Variants in SBF2 observed in about 807,000 individuals in gnomAD.
The protein encoded by SBF2 is myotubularin-related protein 13.
In SBF2, 112 loss-of-function variants were observed where a neutral mutation model predicts 225.2. That is an observed-to-expected ratio of 0.50 (90% CI 0.43 to 0.58). The LOEUF (loss-of-function observed/expected upper bound fraction) is 0.58. SBF2 is among the 20% of genes least tolerant of loss of function. SBF2 has a pLI of 0.00. For synonymous variants in SBF2, 763 were observed against 773.3 expected, an observed-to-expected ratio of 0.99 and a Z score of 0.22; for missense variants, 1,996 against 2,206.2, an observed-to-expected ratio of 0.90 and a Z score of 1.91.
At chr11:9,799,252 T>C (rs1259164351) in intron 32 of SBF2, among the ~76,000 whole-genome samples, 2 of 152,184 alleles carry the variant, frequency 1.3e-5, no homozygotes, top group African/African-American at 2.4e-5. Context: ...GCCCAGTATA[T>C]TGGCCTCACC....
At chr11:9,962,593 C>T (rs1318767709) in intron 15 of SBF2, among the ~76,000 whole-genome samples, 2 of 152,098 alleles carry the variant, frequency 1.3e-5, no homozygotes, top group African/African-American at 2.4e-5. Flanking sequence ...AATCTCTTCT[C>T]ATTTAAATAT....
intron 2 of SBF2, among the ~76,000 whole-genome samples, chr11:10,166,366 T>A (rs1955949791): frequency 6.6e-6 from 1 of 152,290 alleles, no homozygotes; most frequent in Non-Finnish European, 1.5e-5. Context: ...AAAGGACTAC[T>A]AGAAACATGT....
intron 2 of SBF2, among the ~76,000 whole-genome samples, chr11:10,081,163 A>AT (rs1167631435): frequency 1.3e-5 from 2 of 152,182 alleles, no homozygotes; most frequent in Non-Finnish European, 2.9e-5. Flanking sequence ...GACAGTAACT[A>AT]TATTAGGTCA....
In SBF2 at chr11:10,249,001, C is replaced by A. The variant is rs1003437412; in HGVS notation, c.55+45014G>T. ...GTCCCAGCTACTCAGGAGGCTGAGGCAGGAGAATGGCATGAACCTGGCAGG... is the reference window on the plus strand; with the variant it reads ...GTCCCAGCTACTCAGGAGGCTGAGGAAGGAGAATGGCATGAACCTGGCAGG... On this transcript the variant is annotated intron_variant, in intron 1 of 39. Transcript: ENST00000256190. Among the ~76,000 whole-genome samples, 13 of 151,754 alleles carry A rather than the reference C, an allele frequency of 8.6e-5. No homozygotes were observed. In the South Asian group the frequency reaches 2.5e-3, roughly 29 times the overall value.
chr11:9,779,768 T>G lies in SBF2; in HGVS notation c.*650A>C, dbSNP rs1294095821. The G allele has an allele frequency of 6.3e-6, 1 of 157,664 alleles. No individual in the cohort carries two copies. Among genetic ancestry groups the G allele is most frequent in the Non-Finnish European group, 1.4e-5 (1 of 70,774 alleles). 9.8% of individuals were successfully genotyped at this position (157,664 alleles called of 1,614,324 possible). ...GTTTTGGAAGTAGTGTTTTCCTGCA[T>G]TGGGCTGGTCATTGTTGTACCATTC... On this transcript the variant is annotated 3_prime_UTR_variant, in exon 40 of 40. Coordinates refer to ENST00000256190, the MANE Select transcript of SBF2 (RefSeq NM_030962.4).
chr11:10,152,393 T>C (rs1955245794), intron 2 of SBF2, among the ~76,000 whole-genome samples: 1 of 151,514 alleles, frequency 6.6e-6, no homozygotes, highest in African/African-American at 2.4e-5. Context: ...CTACTAAAAA[T>C]ACAAAATTAG....
chr11:10,165,000 T>C (rs1277405944), intron 2 of SBF2: 1 of 152,214 alleles, frequency 6.6e-6, no homozygotes, highest in Non-Finnish European at 1.5e-5. Context: ...AGGTCCCTCA[T>C]ATGGATTCCT....
intron 16 of SBF2, among the ~76,000 whole-genome samples, chr11:9,944,339 C>A (rs1364861903): frequency 6.6e-6 from 1 of 152,144 alleles, no homozygotes; most frequent in East Asian, 1.9e-4. Flanking sequence ...GGTGGGCACA[C>A]AGATATATTT....
At chr11:9,943,068 CTGAA>C (rs890263992) in intron 16 of SBF2, among the ~76,000 whole-genome samples, 3 of 151,880 alleles carry the variant, frequency 2.0e-5, no homozygotes, top group Non-Finnish European at 2.9e-5. Context: ...AATAGAAATC[CTGAA>C]TGGAGTCACA....
At chr11:10,053,776 C>T (rs1345065389) in intron 2 of SBF2, among the ~76,000 whole-genome samples, 1 of 151,220 alleles carries the variant, frequency 6.6e-6, no homozygotes, top group African/African-American at 2.4e-5. Context: ...AAAAATTAAC[C>T]AAGAGTAGTG....
chr11:10,167,141 A>G (rs903765739), intron 2 of SBF2, among the ~76,000 whole-genome samples: 1 of 152,210 alleles, frequency 6.6e-6, no homozygotes, highest in African/African-American at 2.4e-5. Flanking sequence ...GTCCTTCTAT[A>G]AAATACAAAT....
intron 2 of SBF2, among the ~76,000 whole-genome samples, chr11:10,062,691 G>C (rs570274224): frequency 2.0e-5 from 3 of 152,176 alleles, no homozygotes; most frequent in Non-Finnish European, 4.4e-5. Flanking sequence ...AAAAATAACA[G>C]ATGCTGGCAA....
chr11:9,921,359 C>T (rs1345229609), intron 16 of SBF2, among the ~76,000 whole-genome samples: 2 of 152,222 alleles, frequency 1.3e-5, no homozygotes, highest in East Asian at 1.9e-4. Flanking sequence ...CTTCAGCCAC[C>T]GCGTCCAGCC....
chr11:10,031,100 G>C lies in SBF2; in HGVS notation c.350C>G (p.Ala117Gly), dbSNP rs767514383. The C allele has an allele frequency of 1.9e-6, 3 of 1,613,384 alleles. No homozygotes were observed. In the Admixed American group the frequency reaches 5.0e-5, roughly 27 times the overall value. The change falls in exon 4 of 40, where the codon GCT (alanine) becomes GGT (glycine). Residue 117 changes from alanine to glycine, a missense_variant. By Grantham distance (60) the Ala-to-Gly change is moderately conservative (BLOSUM62 0). Coordinates refer to ENST00000256190, the MANE Select transcript of SBF2 (RefSeq NM_030962.4). ...GGATACCAACACCAGGCTTTTGGGA[G>C]CAAACACTTCTGCAGGCTGAATTAA... ...SGLIQPAEVF[A>G]PKSLVLVSRL...
intron 1 of SBF2, among the ~76,000 whole-genome samples, chr11:10,265,264 T>C (rs535142932): frequency 4.1e-4 from 63 of 152,286 alleles, no homozygotes; most frequent in African/African-American, 1.5e-3. Context: ...GACTTTTTAA[T>C]GACTGCCATT....
At chr11:9,840,962 G>T (rs1856092200) in intron 25 of SBF2, among the ~76,000 whole-genome samples, 1 of 148,952 alleles carries the variant, frequency 6.7e-6, no homozygotes, top group African/African-American at 2.5e-5. Flanking sequence ...GTTCTAACTG[G>T]GGAAAAAAAA....
intron 2 of SBF2, among the ~76,000 whole-genome samples, chr11:10,161,581 T>C (rs963643787): frequency 6.6e-6 from 1 of 152,142 alleles, no homozygotes; most frequent in African/African-American, 2.4e-5. Context: ...CTCAAACAAA[T>C]ACACACTAAA....
intron 1 of SBF2, among the ~76,000 whole-genome samples, chr11:10,251,620 G>C (rs991981018): frequency 1.3e-5 from 2 of 152,110 alleles, no homozygotes; most frequent in African/African-American, 2.4e-5. Flanking sequence ...TTGGTTTATG[G>C]GGACTCTGGA....
intron 1 of SBF2, among the ~76,000 whole-genome samples, chr11:10,293,295 C>T (rs1419196673): frequency 1.3e-5 from 2 of 152,072 alleles, no homozygotes; most frequent in Non-Finnish European, 2.9e-5. Flanking sequence ...TTCCTTACGA[C>T]GAAAATTCTG....
Sources: gnomAD v4.1 joint callset for allele counts (sites outside exome capture counted in the v4.1 genomes callset) on GRCh38, gnomAD v4.1.1 for gene constraint, MANE v1.5 for transcripts, NCBI Gene and HGNC (gene_info 2026-07-23, HGNC 2026-07-21) for gene names.